The following GLIS3 variants were observed in gnomAD, a reference collection of about 807,000 sequenced individuals.
GLIS3 encodes GLIS family zinc finger 3, also known as zinc finger protein GLIS3.
In GLIS3, 53 loss-of-function variants were observed where a neutral mutation model predicts 78.6. The ratio of observed to expected loss-of-function variants is 0.67; its 90% CI spans 0.54 to 0.85. The LOEUF (loss-of-function observed/expected upper bound fraction) is 0.85. Among genes scored for constraint, GLIS3 ranks in the 40% least tolerant of loss-of-function variants. The probability of loss-of-function intolerance (pLI) is 0.00; values close to 1 mark genes in which losing one functional copy is unlikely to be tolerated. For missense variants in GLIS3, 1,703 were observed against 1,231.1 expected (o/e 1.38, Z -5.74); for synonymous variants, 684 against 509.9 (o/e 1.34, Z -4.60).
intron 8 of GLIS3, among the ~76,000 whole-genome samples, chr9:3,859,388 C>G (rs972426368): frequency 6.2e-5 from 4 of 64,088 alleles, no homozygotes; most frequent in Admixed American, 2.7e-4. Flanking sequence ...CACACACACA[C>G]ACACACACAC....
chr9:4,089,119 T>G (rs1829285538), intron 4 of GLIS3, among the ~76,000 whole-genome samples: 1 of 152,252 alleles, frequency 6.6e-6, no homozygotes, highest in South Asian at 2.1e-4. Context: ...AATATTTTGA[T>G]GTGGCCTAGT....
intron 2 of GLIS3, among the ~76,000 whole-genome samples, chr9:4,318,268 T>G (rs1257789045): frequency 6.6e-6 from 1 of 152,128 alleles, no homozygotes; most frequent in Non-Finnish European, 1.5e-5. Context: ...AACCCACAAA[T>G]TTAAAGAAAT....
intron 4 of GLIS3, among the ~76,000 whole-genome samples, chr9:3,954,114 G>A (rs1486732952): frequency 6.6e-6 from 1 of 151,962 alleles, no homozygotes; most frequent in Non-Finnish European, 1.5e-5. Context: ...GAATTTCTGT[G>A]GGATCTTATA....
the GLIS3 span, among the ~76,000 whole-genome samples, chr9:4,470,535 C>T: frequency 2.0e-5 from 3 of 152,148 alleles, no homozygotes; most frequent in South Asian, 4.2e-4. Context: ...GCAGAAAAGG[C>T]CTTTGACAAA....
At chr9:4,403,973 C>G in the GLIS3 span, among the ~76,000 whole-genome samples, 1 of 152,112 alleles carries the variant, frequency 6.6e-6, no homozygotes, top group East Asian at 1.9e-4. Flanking sequence ...CTGTTGCCTA[C>G]AAGAAATATA....
intron 2 of GLIS3, among the ~76,000 whole-genome samples, chr9:4,336,270 C>G (rs1008547970): frequency 6.6e-6 from 1 of 152,218 alleles, no homozygotes; most frequent in Non-Finnish European, 1.5e-5. Context: ...TGGGTTTCCT[C>G]TTCTTTAGCT....
At chr9:4,065,692 T>C (rs1827037724) in intron 4 of GLIS3, among the ~76,000 whole-genome samples, 1 of 152,198 alleles carries the variant, frequency 6.6e-6, no homozygotes, top group Non-Finnish European at 1.5e-5. Context: ...GTTTTATTAA[T>C]TAACTAAACT....
chr9:4,052,462 C>A (rs1325257064), intron 4 of GLIS3, among the ~76,000 whole-genome samples: 2 of 152,112 alleles, frequency 1.3e-5, no homozygotes, highest in Non-Finnish European at 2.9e-5. Context: ...TGAAAGAAAG[C>A]CCTATAGCCA....
chr9:3,951,537 G>C (rs551898271), intron 4 of GLIS3, among the ~76,000 whole-genome samples: 2 of 151,976 alleles, frequency 1.3e-5, no homozygotes, highest in Non-Finnish European at 2.9e-5. Context: ...AGAAACATGA[G>C]CATTTGAGAC....
At chr9:4,286,001 T>G (rs1281652443) in intron 2 of GLIS3, 37 bp downstream of exon 2, 12 of 1,613,152 alleles carry the variant, frequency 7.4e-6, no homozygotes, top group Non-Finnish European at 1.0e-5. Flanking sequence ...AAAAAAATCG[T>G]TTCCATTTTT....
chr9:4,192,546 C>G (rs971411099), intron 2 of GLIS3, among the ~76,000 whole-genome samples: 11 of 152,212 alleles, frequency 7.2e-5, no homozygotes, highest in African/African-American at 2.7e-4. Flanking sequence ...AACTCACCAA[C>G]AGCTTGGTCA....
At chr9:4,149,613 T>C (rs1834512007) in intron 2 of GLIS3, among the ~76,000 whole-genome samples, 1 of 152,208 alleles carries the variant, frequency 6.6e-6, no homozygotes, top group African/African-American at 2.4e-5. Flanking sequence ...GGCATGCAAG[T>C]ACAAATAGAT....
At chr9:4,375,204 G>A in the GLIS3 span, among the ~76,000 whole-genome samples, 2 of 152,164 alleles carry the variant, frequency 1.3e-5, no homozygotes, top group Non-Finnish European at 2.9e-5. Flanking sequence ...TTCAAAAGAG[G>A]TTTGAAGGGA....
chr9:4,464,732 G>C, the GLIS3 span, among the ~76,000 whole-genome samples: 2 of 152,038 alleles, frequency 1.3e-5, no homozygotes. Flanking sequence ...TGAATAAAAA[G>C]AAAATAAGTT....
the GLIS3 span, among the ~76,000 whole-genome samples, chr9:4,356,030 T>C: frequency 6.6e-6 from 1 of 152,138 alleles, no homozygotes; most frequent in Non-Finnish European, 1.5e-5. Flanking sequence ...AATTAGTTAG[T>C]CAAAAAATAT....
chr9:4,396,929 C>A, the GLIS3 span, among the ~76,000 whole-genome samples: 1 of 152,104 alleles, frequency 6.6e-6, no homozygotes, highest in Admixed American at 6.5e-5. Flanking sequence ...GGGAAAACGC[C>A]CAGGCACTGT....
the GLIS3 span, among the ~76,000 whole-genome samples, chr9:4,394,767 T>C: frequency 3.9e-5 from 6 of 152,192 alleles, no homozygotes; most frequent in Non-Finnish European, 5.9e-5. Flanking sequence ...ACATTTTCCA[T>C]TCTCTTCACC....
chr9:4,459,069 G>C, the GLIS3 span, among the ~76,000 whole-genome samples: 1 of 152,086 alleles, frequency 6.6e-6, no homozygotes, highest in Non-Finnish European at 1.5e-5. Context: ...GAAGAAACAT[G>C]ATCTGATTTA....
At chr9:3,876,881 C>T (rs931569788) in intron 8 of GLIS3, among the ~76,000 whole-genome samples, 3 of 151,546 alleles carry the variant, frequency 2.0e-5, no homozygotes, top group African/African-American at 7.3e-5. Context: ...GCAGGAGCAG[C>T]TAAGGAACTT....
Sources: gnomAD v4.1 joint callset for allele counts (sites outside exome capture counted in the v4.1 genomes callset) on GRCh38, gnomAD v4.1.1 for gene constraint, MANE v1.5 for transcripts, NCBI Gene and HGNC (gene_info 2026-07-23, HGNC 2026-07-21) for gene names.